WWP1: variants seen among roughly 807,000 people sequenced by gnomAD.
The protein encoded by WWP1 is WW domain containing E3 ubiquitin protein ligase 1.
A neutral mutation model predicts 130.6 loss-of-function variants in WWP1; 49 were observed. The ratio of observed to expected loss-of-function variants is 0.38; its 90% confidence interval spans 0.30 to 0.48. The LOEUF is 0.48. Among genes scored for constraint, WWP1 ranks in the 20% least tolerant of loss-of-function variants. The pLI is 0.99. For missense variants in WWP1, 809 were observed against 1,100.6 expected (o/e 0.74, Z 3.75); for synonymous variants, 332 against 367.8 (o/e 0.90, Z 1.11).
intron 21 of WWP1, among the ~76,000 whole-genome samples, chr8:86,457,571 CTA>C (rs550243788): frequency 6.6e-6 from 1 of 151,080 alleles, no homozygotes; most frequent in Non-Finnish European, 1.5e-5. Flanking sequence ...AGATATAAAT[CTA>C]TATATATAGA....
rs776594160 is a variant in WWP1, at chr8:86,430,709, G to A, written c.1345G>A (p.Ala449Thr). 2 of 1,581,880 alleles carry A rather than the reference G, an allele frequency of 1.3e-6. No individual in the cohort carries two copies. Among genetic ancestry groups the A allele is most frequent in the African/African-American group, 2.7e-5 (2 of 73,422 alleles). ...TTTCTCCAATCAGGCTTCAATGTTAGCTGCAGAAAATGACCCTTATGGACC... is the reference window on the plus strand; with the variant it reads ...TTTCTCCAATCAGGCTTCAATGTTAACTGCAGAAAATGACCCTTATGGACC... ...QRYLYSASML[A>T]AENDPYGPLP... is the part of the protein sequence containing the mutation. The change falls in exon 12 of 25, where the codon GCT (alanine) becomes ACT (threonine). Residue 449 changes from alanine (A) to threonine (T), a missense_variant. Physicochemically the swap from Ala to Thr is moderately conservative, Grantham distance 58. This residue lies in a region of WWP1 where 450 missense variants were observed against 674.2 expected (regional missense o/e 0.67). Transcript: ENST00000517970.
chr8:86,363,775 A>G (rs1460647445), intron 1 of WWP1, among the ~76,000 whole-genome samples: 1 of 148,972 alleles, frequency 6.7e-6, no homozygotes, highest in African/African-American at 2.5e-5. Context: ...AGCCTGGGTG[A>G]CAGAGTGAGA....
At chr8:86,414,035 C>G (rs1808732375) in intron 9 of WWP1, among the ~76,000 whole-genome samples, 1 of 152,160 alleles carries the variant, frequency 6.6e-6, no homozygotes, top group Non-Finnish European at 1.5e-5. Context: ...GTTGTCACCA[C>G]TTATGATCTT....
At chr8:86,362,478 G>A (rs904168165) in intron 1 of WWP1, among the ~76,000 whole-genome samples, 1 of 151,854 alleles carries the variant, frequency 6.6e-6, no homozygotes, top group Admixed American at 6.6e-5. Flanking sequence ...CAGTAGAGTG[G>A]TGAGGGCAGC....
intron 8 of WWP1, among the ~76,000 whole-genome samples, chr8:86,405,823 T>C (rs1035817370): frequency 2.0e-5 from 3 of 147,620 alleles, no homozygotes; most frequent in African/African-American, 7.7e-5. Flanking sequence ...TGAGCTACCA[T>C]GTTGTCCACT....
chr8:86,381,591 T>C lies in WWP1; in HGVS notation c.296T>C (p.Ile99Thr). The change falls in exon 5 of 25, where the codon ATA becomes ACA. Residue 99 changes from isoleucine (I) to threonine (T), a missense_variant. Coordinates refer to ENST00000517970, the MANE Select transcript of WWP1 (RefSeq NM_007013.4). ...GATGCTTTATTAGGAAAAGCAACGA[T>C]AGATTTGAAACAAGCTCTGTTGATA... ...KADALLGKAT[I>T]DLKQALLIHN... is the part of the protein sequence containing the mutation. The C allele has an allele frequency of 6.2e-7, 1 of 1,609,206 alleles. No individual in the cohort carries two copies. The highest frequency in any genetic ancestry group is 8.5e-7 in the Non-Finnish European group (1 of 1,178,906).
intron 9 of WWP1, among the ~76,000 whole-genome samples, chr8:86,417,021 G>T (rs1808927588): frequency 6.6e-6 from 1 of 152,124 alleles, no homozygotes; most frequent in Admixed American, 6.5e-5. Flanking sequence ...CCAAGCCTTG[G>T]ACACATACCC....
Position 86,344,827 on chromosome 8 carries a change from C to T in WWP1, c.-115+1897C>T, listed in dbSNP as rs1355798020. 2.0e-5 allele frequency among the ~76,000 whole-genome samples: 3 copies of T among 152,128 alleles called. No individual in the cohort carries two copies. In the East Asian group the frequency reaches 5.8e-4, roughly 29 times the overall value. ...TAATTATGTTTGGGTGGAACATAAACTTATTTGTACCAGGATAAAGGGTGA... is the reference window on the plus strand; with the variant it reads ...TAATTATGTTTGGGTGGAACATAAATTTATTTGTACCAGGATAAAGGGTGA... On this transcript the variant is annotated intron_variant, in intron 1 of 24. Coordinates refer to ENST00000517970, the MANE Select transcript of WWP1 (RefSeq NM_007013.4).
chr8:86,385,742 C>G (rs1240814387), intron 5 of WWP1, among the ~76,000 whole-genome samples: 34 of 152,086 alleles, frequency 2.2e-4, no homozygotes, highest in Non-Finnish European at 4.4e-5. Context: ...TAGACACTGT[C>G]TTATTCACTT....
At chr8:86,449,531 T>A (rs957606250) in intron 20 of WWP1, among the ~76,000 whole-genome samples, 1 of 152,228 alleles carries the variant, frequency 6.6e-6, no homozygotes, top group Admixed American at 6.5e-5. Context: ...ATCATTTTTT[T>A]AAAATGTAAA....
At chr8:86,429,895 C>T (rs1809839207) in intron 11 of WWP1, among the ~76,000 whole-genome samples, 2 of 152,234 alleles carry the variant, frequency 1.3e-5, no homozygotes, top group South Asian at 4.1e-4. Flanking sequence ...CTCTTCGTGA[C>T]ATTTTATGAA....
At chr8:86,437,913 C>T (rs1404141909) in intron 16 of WWP1, among the ~76,000 whole-genome samples, 1 of 152,154 alleles carries the variant, frequency 6.6e-6, no homozygotes, top group Non-Finnish European at 1.5e-5. Context: ...CATTCTCCTG[C>T]CTTAGCCTCC....
At chr8:86,351,637 C>G (rs1349723245) in intron 1 of WWP1, among the ~76,000 whole-genome samples, 1 of 149,564 alleles carries the variant, frequency 6.7e-6, no homozygotes, top group East Asian at 1.9e-4. Flanking sequence ...GCCAAATAAA[C>G]AAAAAAAAAG....
At chr8:86,413,636 C>T (rs776800707) in intron 9 of WWP1, among the ~76,000 whole-genome samples, 1 of 152,196 alleles carries the variant, frequency 6.6e-6, no homozygotes, top group African/African-American at 2.4e-5. Flanking sequence ...GAGCCGACTG[C>T]ACATTCAGAT....
intron 9 of WWP1, among the ~76,000 whole-genome samples, chr8:86,422,920 G>A (rs1267981847): frequency 6.6e-6 from 1 of 152,090 alleles, no homozygotes; most frequent in Non-Finnish European, 1.5e-5. Flanking sequence ...GAATTTTCAT[G>A]GGGCAGTATC....
At chr8:86,418,577 G>A (rs1181057867) in intron 9 of WWP1, among the ~76,000 whole-genome samples, 1 of 152,144 alleles carries the variant, frequency 6.6e-6, no homozygotes, top group Non-Finnish European at 1.5e-5. Flanking sequence ...TGCATTGGCA[G>A]CATTGGATGC....
intron 3 of WWP1, 106 bp from the exon 4 acceptor site, chr8:86,380,620 A>C (rs1176557323): frequency 2.4e-6 from 3 of 1,243,328 alleles, no homozygotes; most frequent in Non-Finnish European, 3.2e-6. Context: ...GCCAACGAGA[A>C]GAGTTCTAGT....
In WWP1 at chr8:86,402,019, G is replaced by A. The variant is rs765277551; in HGVS notation, c.540G>A (p.Arg180=). 28 of 1,540,906 alleles carry A rather than the reference G, an allele frequency of 1.8e-5. No homozygotes were observed. Among genetic ancestry groups the A allele is most frequent in the Non-Finnish European group, 2.4e-5 (27 of 1,142,804 alleles). The part of the protein sequence containing the change: ...NGEPSARTTA[R]LAVEGTNGID... ...TGAAATAAGGCATTTTTTTTTCAAG[G>A]TTGGCTGTTGAAGGCACGAATGGAA... The change falls in exon 8 of 25, where the codon AGG becomes AGA. Residue 180 remains arginine (R), a splice_region_variant and synonymous_variant. Coordinates refer to ENST00000517970, the MANE Select transcript of WWP1 (RefSeq NM_007013.4).
intron 17 of WWP1, among the ~76,000 whole-genome samples, chr8:86,439,669 A>C (rs1386031887): frequency 6.6e-6 from 1 of 152,194 alleles, no homozygotes; most frequent in Non-Finnish European, 1.5e-5. Flanking sequence ...AAAGTTTTCT[A>C]CATTCACTAA....
Sources: gnomAD v4.1 joint callset for allele counts (sites outside exome capture counted in the v4.1 genomes callset) on GRCh38, gnomAD v4.1.1 for gene constraint, gnomAD v4.1.1 regional missense constraint, MANE v1.5 for transcripts, NCBI Gene and HGNC (gene_info 2026-07-23, HGNC 2026-07-21) for gene names.